The following GNS variants were observed in gnomAD, a reference collection of about 807,000 sequenced individuals.
GNS encodes N-acetylglucosamine-6-sulfatase.
Under a neutral mutation model 69.7 loss-of-function variants are expected in GNS, and 40 were observed. That is an observed-to-expected ratio of 0.57 (90% CI 0.45 to 0.75). GNS has a LOEUF of 0.75. GNS is among the 30% of genes least tolerant of loss of function. GNS has a pLI of 0.00. For synonymous variants in GNS, 243 were observed against 251.6 expected, an observed-to-expected ratio of 0.97 and a Z score of 0.32; for missense variants, 565 against 685.5, an observed-to-expected ratio of 0.82 and a Z score of 1.96.
chr12:64,736,213 T>C (rs1217745419), intron 9 of GNS, among the ~76,000 whole-genome samples: 1 of 152,210 alleles, frequency 6.6e-6, no homozygotes, highest in Non-Finnish European at 1.5e-5. Flanking sequence ...TCATGACTGC[T>C]AGGAACAAAG....
intron 10 of GNS, among the ~76,000 whole-genome samples, chr12:64,724,563 A>C (rs1283128045): frequency 6.6e-6 from 1 of 152,198 alleles, no homozygotes; most frequent in African/African-American, 2.4e-5. Flanking sequence ...TGGAGACTTA[A>C]AAAGCTCATG....
chr12:64,743,443 T>C (rs1869808871), intron 5 of GNS, 135 bp from the exon 6 acceptor site: 3 of 694,746 alleles, frequency 4.3e-6, no homozygotes, highest in Non-Finnish European at 5.2e-6. Flanking sequence ...TCTTATGTCA[T>C]AGCCATTTGC....
rs1012674015 is a variant in GNS at position 64,715,083 on chromosome 12, A to T, written c.*1658T>A. 3 of 152,678 alleles carry T rather than the reference A, an allele frequency of 2.0e-5. No homozygotes were observed. The highest frequency in any genetic ancestry group is 6.5e-5 in the Admixed American group (1 of 15,282). 9.5% of individuals were successfully genotyped at this position (152,678 alleles called of 1,614,324 possible). A position where few individuals can be genotyped will look rare whatever the true frequency, so the allele number is the denominator to read the frequency against. On this transcript the variant is annotated 3_prime_UTR_variant, in exon 14 of 14. Coordinates refer to ENST00000258145, the MANE Select transcript of GNS (RefSeq NM_002076.4). ...AAGCTGGACAGAAGACTTTAAATAA[A>T]GCTAAAATCGCTTATTGCCTGAGTT...
chr12:64,724,492 T>C lies in GNS; in HGVS notation c.1201-1379A>G, dbSNP rs543394891. Among the ~76,000 whole-genome samples the C allele has an allele frequency of 2.0e-5, 3 of 152,338 alleles. No individual in the cohort carries two copies. In the South Asian group the frequency reaches 6.2e-4, roughly 32 times the overall value. On this transcript the variant is annotated intron_variant, in intron 10 of 13. Coordinates refer to ENST00000258145, the MANE Select transcript of GNS (RefSeq NM_002076.4). Reference sequence around the variant, plus strand: ...AGATAGGAATTATTTCCTAACTTGTTGTTCTACAATGAAACTTGAACAATC... The same window carrying C: ...AGATAGGAATTATTTCCTAACTTGTCGTTCTACAATGAAACTTGAACAATC...
At position 64,747,695 on chromosome 12, in the gene GNS, CAG is replaced by C; in HGVS notation, c.459+15_459+16del. 1 of 1,324,720 alleles carries C rather than the reference CAG, an allele frequency of 7.5e-7. No individual in the cohort carries two copies. Among genetic ancestry groups the C allele is most frequent in the Non-Finnish European group, 1.1e-6 (1 of 916,162 alleles). 82.1% of individuals were successfully genotyped at this position (1,324,720 alleles called of 1,614,324 possible). A position where few individuals can be genotyped will look rare whatever the true frequency, so the allele number is the denominator to read the frequency against. On this transcript the variant is annotated intron_variant, in intron 3 of 13. Coordinates refer to ENST00000258145, the MANE Select transcript of GNS (RefSeq NM_002076.4). ...TTAAAAGCCATTATAAAAAAAGAAACAGATCATTCAACATACCTCATTTAAAT... is the reference window on the plus strand; with the variant it reads ...TTAAAAGCCATTATAAAAAAAGAAACATCATTCAACATACCTCATTTAAAT...
chr12:64,723,466 C>T (rs1372858037), intron 10 of GNS, among the ~76,000 whole-genome samples: 2 of 152,150 alleles, frequency 1.3e-5, no homozygotes, highest in African/African-American at 2.4e-5. Flanking sequence ...GTCATATGCT[C>T]TATGTAAGAA....
rs1430370107 is a variant in GNS at position 64,721,664 on chromosome 12, AT to A, written c.1349del (p.Asn450IlefsTer6). On this transcript the variant is annotated frameshift_variant, in exon 12 of 14. Transcript: ENST00000258145. LOFTEE classifies it high-confidence loss of function. ...ACATTGTCCTCACACAGGCATAGGT[AT>A]TGTTATAAGCATCTTCACATACACA... Reference protein sequence around the residue: ...PDCVCEDAYNNTYACVRTMSA... With the variant: ...PDCVCEDAYNXTYACVRTMSA... The A allele has an allele frequency of 6.3e-7, 1 of 1,594,824 alleles. No homozygotes were observed. Among genetic ancestry groups the A allele is most frequent in the Non-Finnish European group, 8.6e-7 (1 of 1,162,360 alleles).
intron 9 of GNS, among the ~76,000 whole-genome samples, chr12:64,734,960 A>T (rs1411492672): frequency 2.0e-5 from 3 of 151,968 alleles, no homozygotes; most frequent in Admixed American, 6.6e-5. Context: ...AAAAACAAAA[A>T]ATTAGCTGGG....
chr12:64,759,193 C>G lies in GNS; in HGVS notation c.84G>C (p.Leu28=), dbSNP rs1870388996. 6.5e-7 allele frequency: 1 copy of G among 1,548,700 alleles called. No homozygotes were observed. The highest frequency in any genetic ancestry group is 1.4e-5 in the African/African-American group (1 of 73,038). The change falls in exon 1 of 14, where the codon CTG becomes CTC. Residue 28 remains leucine, a synonymous_variant. Coordinates refer to ENST00000258145, the MANE Select transcript of GNS (RefSeq NM_002076.4). The part of the protein sequence containing the change: ...HLPSCSPALL[L]LVLGGCLGVF... ...CCCCCAGGCAGCCGCCCAGCACCAG[C>G]AGTAGCAGCGCTGGGCTGCAGGAGG...
intron 10 of GNS, among the ~76,000 whole-genome samples, chr12:64,725,042 C>T (rs1437826954): frequency 6.6e-6 from 1 of 152,162 alleles, no homozygotes; most frequent in African/African-American, 2.4e-5. Flanking sequence ...AACTTTGCTG[C>T]ATATTAAAAT....
At chr12:64,725,904 G>A (rs1869180835) in intron 10 of GNS, among the ~76,000 whole-genome samples, 1 of 149,086 alleles carries the variant, frequency 6.7e-6, no homozygotes, top group Non-Finnish European at 1.5e-5. Flanking sequence ...GCTGAGCCAG[G>A]AGAATGGCGT....
intron 1 of GNS, among the ~76,000 whole-genome samples, chr12:64,754,251 C>T (rs1263292586): frequency 1.3e-5 from 2 of 152,102 alleles, no homozygotes; most frequent in Admixed American, 6.5e-5. Flanking sequence ...TCAGTCATTT[C>T]AGGTGGTGGT....
intron 12 of GNS, among the ~76,000 whole-genome samples, chr12:64,720,630 T>C (rs1354219507): frequency 1.3e-5 from 2 of 152,262 alleles, no homozygotes; most frequent in South Asian, 2.1e-4. Flanking sequence ...GAGAATGATA[T>C]GAAAGTACTC....
intron 3 of GNS, 81 bp from the exon 4 acceptor site, chr12:64,745,805 T>C: frequency 1.1e-6 from 1 of 893,220 alleles, no homozygotes; most frequent in Non-Finnish European, 1.9e-6. Flanking sequence ...TTTACAATCT[T>C]TTTAGACCAG....
At chr12:64,717,755 G>A (rs983804762) in intron 13 of GNS, among the ~76,000 whole-genome samples, 73 of 152,254 alleles carry the variant, frequency 4.8e-4, no homozygotes, top group African/African-American at 1.7e-3. Context: ...TAGGGCCACA[G>A]TGCATGACAA....
chr12:64,723,377 G>C (rs1174774490), intron 10 of GNS, among the ~76,000 whole-genome samples: 8 of 152,212 alleles, frequency 5.3e-5, no homozygotes, highest in Non-Finnish European at 1.0e-4. Context: ...GGTCAGGAAT[G>C]GAACCTGACA....
chr12:64,749,026 G>A (rs1489894397), intron 2 of GNS, among the ~76,000 whole-genome samples: 2 of 151,870 alleles, frequency 1.3e-5, no homozygotes, highest in Non-Finnish European at 2.9e-5. Flanking sequence ...TGCAAGCTCC[G>A]CCTCCCGGGT....
At chr12:64,742,220 CT>C (rs1869764449) in intron 6 of GNS, among the ~76,000 whole-genome samples, 2 of 152,124 alleles carry the variant, frequency 1.3e-5, no homozygotes, top group African/African-American at 4.8e-5. Flanking sequence ...TGGGGTTTCA[CT>C]GTGTTAGCCA....
chr12:64,737,172 A>G, intron 8 of GNS, 65 bp from the exon 9 acceptor site: 1 of 892,080 alleles, frequency 1.1e-6, no homozygotes, highest in South Asian at 1.3e-5. Flanking sequence ...GTTATGTTTC[A>G]CTCATTTAAT....
Sources: gnomAD v4.1 joint callset for allele counts (sites outside exome capture counted in the v4.1 genomes callset) on GRCh38, gnomAD v4.1.1 for gene constraint, MANE v1.5 for transcripts, NCBI Gene and HGNC (gene_info 2026-07-23, HGNC 2026-07-21) for gene names.